The following DHX30 variants were observed in gnomAD, a reference collection of about 807,000 sequenced individuals.
DHX30 encodes the protein DExH-box helicase 30.
A neutral mutation model predicts 116.9 loss-of-function variants in DHX30; 4 were observed. That is an observed-to-expected ratio of 0.03 (90% CI 0.02 to 0.08). The LOEUF (loss-of-function observed/expected upper bound fraction) is 0.08. Among genes scored for constraint, DHX30 ranks in the 10% least tolerant of loss-of-function variants. The pLI is 1.00. For missense variants in DHX30, 871 were observed against 1,595.1 expected, an observed-to-expected ratio of 0.55 and a Z score of 7.73; for synonymous variants, 697 against 651.7, an observed-to-expected ratio of 1.07 and a Z score of -1.06.
intron 10 of DHX30, 149 bp from the exon 11 acceptor site, chr3:47,846,016 A>G (rs879082872): frequency 3.6e-6 from 5 of 1,392,948 alleles, no homozygotes; most frequent in Admixed American, 2.1e-5. Context: ...CTTGCCCACA[A>G]GGATCCCGGG....
chr3:47,818,704 C>T (rs1200878453), intron 4 of DHX30, among the ~76,000 whole-genome samples: 1 of 152,124 alleles, frequency 6.6e-6, no homozygotes, highest in Non-Finnish European at 1.5e-5. Context: ...CCTATCAGTA[C>T]CCAGGGATGG....
In DHX30 at chr3:47,850,039, C is replaced by T. The variant is rs370309343; in HGVS notation, c.3504C>T (p.His1168=). 61 of 1,604,998 alleles carry T rather than the reference C, an allele frequency of 3.8e-5. No individual in the cohort carries two copies. The Admixed American group carries it at 5.9e-4, about 16-fold the overall frequency. The part of the protein sequence containing the change: ...AALPPSVQEE[H]GQLLALLAEL... The stretch of plus-strand genomic sequence containing the variant: ...TTCCCCCCAGCGTACAGGAGGAGCA[C>T]GGGCAGCTGCTTGCGCTACTGGCAG... Residue 1168 remains histidine, a synonymous_variant, in exon 22 of 22, where the codon CAC becomes CAT. Transcript: ENST00000445061.
In DHX30 at chr3:47,848,138, G is replaced by C; in HGVS notation, c.2287-42G>C. 2 of 1,610,110 alleles carry C rather than the reference G, an allele frequency of 1.2e-6. No individual in the cohort carries two copies. The highest frequency in any genetic ancestry group is 2.2e-5 in the South Asian group (2 of 90,860). On this transcript the variant is annotated intron_variant, in intron 14 of 21. Coordinates refer to ENST00000445061, the MANE Select transcript of DHX30 (RefSeq NM_138615.3). The surrounding 1 kb of genome is among the most constrained non-coding windows in gnomAD (Gnocchi z 9.4). ...TACTCAGGGAGTGGGGAAGCACTGA[G>C]GAAGTGGCATTTGTGTGCTGCTTAC... is the stretch of plus-strand genomic sequence containing the variant.
At chr3:47,844,637 G>A (rs1344074540) in intron 9 of DHX30, among the ~76,000 whole-genome samples, 1 of 152,248 alleles carries the variant, frequency 6.6e-6, no homozygotes, top group East Asian at 1.9e-4. Flanking sequence ...CCTGTTGGGG[G>A]AAGACTTCTT....
intron 9 of DHX30, among the ~76,000 whole-genome samples, chr3:47,844,569 T>C (rs1391462007): frequency 6.6e-6 from 1 of 152,240 alleles, no homozygotes; most frequent in East Asian, 1.9e-4. Context: ...ACCAGATTCC[T>C]GTCCTTTAGG....
At position 47,850,137 on chromosome 3, in the gene DHX30, G is replaced by A; in HGVS notation, c.*17G>A. ...GACGACTGAGCCCTGCTTCTGCTGGGGCTGTGTACAGAGTGCAAATGTTTA... is the reference window on the plus strand; with the variant it reads ...GACGACTGAGCCCTGCTTCTGCTGGAGCTGTGTACAGAGTGCAAATGTTTA... On this transcript the variant is annotated 3_prime_UTR_variant, in exon 22 of 22. Coordinates refer to ENST00000445061, the MANE Select transcript of DHX30 (RefSeq NM_138615.3). 1 of 1,573,332 alleles carries A rather than the reference G, an allele frequency of 6.4e-7. No homozygotes were observed. Among genetic ancestry groups the A allele is most frequent in the Non-Finnish European group, 8.6e-7 (1 of 1,162,398 alleles).
chr3:47,836,237 C>T (rs2037109524), intron 6 of DHX30, among the ~76,000 whole-genome samples: 1 of 152,042 alleles, frequency 6.6e-6, no homozygotes. Context: ...TTAAGTGATT[C>T]TCCTGCCTCA....
chr3:47,848,903 C>T lies in DHX30; in HGVS notation c.2770-17C>T. 1.3e-6 allele frequency: 2 copies of T among 1,597,308 alleles called. No homozygotes were observed. Among genetic ancestry groups the T allele is most frequent in the African/African-American group, 2.7e-5 (2 of 74,772 alleles). Reference sequence around the variant, plus strand: ...AGCCCCTGCCTGTGATCCGGCTGCCCTCTTCTCCCCTCCCAGGTGAAAGCA... The same window carrying T: ...AGCCCCTGCCTGTGATCCGGCTGCCTTCTTCTCCCCTCCCAGGTGAAAGCA... On this transcript the variant is annotated splice_polypyrimidine_tract_variant and intron_variant, in intron 17 of 21. Transcript: ENST00000445061. This position sits in a 1 kb window ranked among gnomAD's most constrained non-coding sequence, Gnocchi z 9.4.
chr3:47,841,979 C>T (rs1013312799), intron 8 of DHX30: 18 of 539,404 alleles, frequency 3.3e-5, no homozygotes, highest in South Asian at 1.5e-4. Flanking sequence ...CTCTTCTGGG[C>T]GGTGGATTGT....
intron 6 of DHX30, 95 bp downstream of exon 6, chr3:47,829,229 C>A: frequency 3.7e-6 from 2 of 535,704 alleles, no homozygotes; most frequent in Non-Finnish European, 6.6e-6. Flanking sequence ...TGTTCTACCA[C>A]TCACCTGCCC....
At chr3:47,812,587 TACTC>T (rs2035850057) in intron 3 of DHX30, among the ~76,000 whole-genome samples, 1 of 151,206 alleles carries the variant, frequency 6.6e-6, no homozygotes, top group South Asian at 2.1e-4. Context: ...CATGAGAATT[TACTC>T]ACTATCACAA....
intron 3 of DHX30, among the ~76,000 whole-genome samples, chr3:47,810,932 A>T (rs1176882417): frequency 6.8e-6 from 1 of 147,240 alleles, no homozygotes; most frequent in African/African-American, 2.5e-5. Context: ...CCTTCTGCGT[A>T]CTCCCTGCTT....
chr3:47,832,528 C>T (rs1459043403), intron 6 of DHX30, among the ~76,000 whole-genome samples: 1 of 152,096 alleles, frequency 6.6e-6, no homozygotes, highest in Admixed American at 6.6e-5. Context: ...ACCATTCTCT[C>T]TGTGTTTAAT....
chr3:47,818,993 G>A (rs1421610302), intron 4 of DHX30, among the ~76,000 whole-genome samples: 6 of 152,274 alleles, frequency 3.9e-5, no homozygotes, highest in Admixed American at 2.6e-4. Context: ...AAGAGCTCAG[G>A]AGGAGTGTGG....
intron 5 of DHX30, among the ~76,000 whole-genome samples, chr3:47,828,629 G>A (rs1350806495): frequency 6.6e-6 from 1 of 151,994 alleles, no homozygotes; most frequent in South Asian, 2.1e-4. Context: ...AAATTAGCTG[G>A]GCGTGGTGGT....
chr3:47,846,132 T>A, intron 10 of DHX30, 33 bp from the exon 11 acceptor site: 7 of 1,587,280 alleles, frequency 4.4e-6, no homozygotes, highest in Non-Finnish European at 5.1e-6. Context: ...GGAATTTCTT[T>A]TTCATTGTTT....
intron 6 of DHX30, among the ~76,000 whole-genome samples, chr3:47,840,301 G>A (rs777488499): frequency 4.6e-5 from 7 of 150,630 alleles, no homozygotes; most frequent in African/African-American, 1.2e-4. Flanking sequence ...CCGGCCCTAC[G>A]TACTTTTTAA....
intron 4 of DHX30, chr3:47,819,114 A>T: frequency 1.3e-6 from 1 of 799,550 alleles, no homozygotes; most frequent in Non-Finnish European, 1.9e-6. Flanking sequence ...AGAAATGAGT[A>T]CTTCTAGCCC....
rs867548833 is a variant in DHX30 at position 47,803,621 on chromosome 3, C to T, written c.-123+409C>T. 7.9e-4 allele frequency among the ~76,000 whole-genome samples: 120 copies of T among 152,284 alleles called. 1 individual carries two copies. The Middle Eastern group carries it at 0.014, about 17-fold the overall frequency. Reference sequence around the variant, plus strand: ...GCCCCGAGACCTTTGTCTACTTCTCCTCCTTCCCGGTGCTGCCCGGACCGT... The same window carrying T: ...GCCCCGAGACCTTTGTCTACTTCTCTTCCTTCCCGGTGCTGCCCGGACCGT... On this transcript the variant is annotated intron_variant, in intron 1 of 21. Coordinates refer to ENST00000445061, the MANE Select transcript of DHX30 (RefSeq NM_138615.3).
Sources: gnomAD v4.1 joint callset for allele counts (sites outside exome capture counted in the v4.1 genomes callset) on GRCh38, gnomAD v4.1.1 for gene constraint, Gnocchi (gnomAD v3.1) non-coding constraint, MANE v1.5 for transcripts, NCBI Gene and HGNC (gene_info 2026-07-23, HGNC 2026-07-21) for gene names.